The following SLC1A1 variants were observed in gnomAD, a reference collection of about 807,000 sequenced individuals.
The protein encoded by SLC1A1 is excitatory amino acid transporter 3.
In SLC1A1, 43 loss-of-function variants were observed where a neutral mutation model predicts 53.3. The observed-to-expected ratio is 0.81, with a 90% CI of 0.63 to 1.04. The LOEUF is 1.04. Among genes scored for constraint, SLC1A1 ranks in the 50% least tolerant of loss-of-function variants. SLC1A1 has a pLI of 0.00. For missense variants in SLC1A1, 748 were observed against 664.9 expected (o/e 1.12, Z -1.37); for synonymous variants, 307 against 243.2 (o/e 1.26, Z -2.44).
At position 4,497,687 on chromosome 9, in the gene SLC1A1, G is replaced by C. The variant is rs1010188672; in HGVS notation, c.91+6917G>C. 5.9e-5 allele frequency among the ~76,000 whole-genome samples: 9 copies of C among 152,136 alleles called. 1 individual carries two copies. The highest frequency in any genetic ancestry group is 1.2e-4 in the Non-Finnish European group (8 of 68,026). On this transcript the variant is annotated intron_variant, in intron 1 of 11. Transcript: ENST00000262352. Reference sequence around the variant, plus strand: ...ATGAATCTATATAAATATCAAGCATGTTGATCTTTTCTTTCTCAAAACTAG... The same window carrying C: ...ATGAATCTATATAAATATCAAGCATCTTGATCTTTTCTTTCTCAAAACTAG...
Position 4,532,397 on chromosome 9 carries a change from C to G in SLC1A1, c.92-12170C>G, listed in dbSNP as rs57615660. ...CCTGATGAAGCTGAAAACCAAGGCA[C>G]GAGAACTACGTGACAAATGCACAAG... On this transcript the variant is annotated intron_variant, in intron 1 of 11. Coordinates refer to ENST00000262352, the MANE Select transcript of SLC1A1 (RefSeq NM_004170.6). 2.0e-5 allele frequency among the ~76,000 whole-genome samples: 3 copies of G among 151,896 alleles called. 1 individual carries two copies. Among genetic ancestry groups the G allele is most frequent in the East Asian group, 3.9e-4 (2 of 5,168 alleles).
At chr9:4,498,861 CTA>C (rs1820533373) in intron 1 of SLC1A1, among the ~76,000 whole-genome samples, 1 of 147,814 alleles carries the variant, frequency 6.8e-6, no homozygotes, top group Admixed American at 6.9e-5. Context: ...TATACTTTCT[CTA>C]AAATACTGAG....
chr9:4,553,364 C>CT (rs33971780), intron 2 of SLC1A1: 56,494 of 110,038 alleles, frequency 0.51, 16,018 homozygotes, highest in East Asian at 0.76. Context: ...CCCACCGCTT[C>CT]TTTTTTTTTT....
intron 1 of SLC1A1, among the ~76,000 whole-genome samples, chr9:4,496,508 C>T (rs1820428060): frequency 6.6e-6 from 1 of 152,094 alleles, no homozygotes; most frequent in African/African-American, 2.4e-5. Context: ...GTGCAAGCCA[C>T]TGCACTCAGC....
intron 10 of SLC1A1, among the ~76,000 whole-genome samples, chr9:4,578,332 A>G (rs1342112282): frequency 6.6e-6 from 1 of 152,228 alleles, no homozygotes. Flanking sequence ...AGTACCTACA[A>G]CTTATTCAAG....
At chr9:4,532,924 A>G (rs555150567) in intron 1 of SLC1A1, among the ~76,000 whole-genome samples, 56 of 152,312 alleles carry the variant, frequency 3.7e-4, no homozygotes, top group African/African-American at 1.3e-3. Flanking sequence ...TTCTTATAGA[A>G]AAGAATTTTC....
At chr9:4,511,374 A>G (rs1271331722) in intron 1 of SLC1A1, among the ~76,000 whole-genome samples, 3 of 152,058 alleles carry the variant, frequency 2.0e-5, no homozygotes, top group African/African-American at 7.2e-5. Context: ...GGACTCTTTC[A>G]AAAAGGCACT....
intron 2 of SLC1A1, among the ~76,000 whole-genome samples, chr9:4,545,514 T>C (rs1158372852): frequency 6.6e-6 from 1 of 152,224 alleles, no homozygotes; most frequent in Non-Finnish European, 1.5e-5. Context: ...CACTCATTTA[T>C]TTCCCAACTG....
rs112012539 is a variant in SLC1A1 at position 4,581,554 on chromosome 9, G to T, written c.1194-1484G>T. 6.1e-3 allele frequency among the ~76,000 whole-genome samples: 925 copies of T among 152,362 alleles called. 8 individuals are homozygous for T. The highest frequency in any genetic ancestry group is 0.021 in the African/African-American group (875 of 41,584). Reference sequence around the variant, plus strand: ...AGACATGGATTACTGTGACACGTCAGGGTTTCCAAGAGGGATCAGCTGGCA... The same window carrying T: ...AGACATGGATTACTGTGACACGTCATGGTTTCCAAGAGGGATCAGCTGGCA... On this transcript the variant is annotated intron_variant, in intron 10 of 11. Coordinates refer to ENST00000262352, the MANE Select transcript of SLC1A1 (RefSeq NM_004170.6).
At chr9:4,578,528 G>T (rs957957996) in intron 10 of SLC1A1, among the ~76,000 whole-genome samples, 6 of 152,154 alleles carry the variant, frequency 3.9e-5, no homozygotes, top group Admixed American at 2.6e-4. Context: ...AACCCAAGAG[G>T]GAGAGGGAGA....
At chr9:4,501,109 C>T (rs1430566468) in intron 1 of SLC1A1, among the ~76,000 whole-genome samples, 4 of 148,212 alleles carry the variant, frequency 2.7e-5, no homozygotes, top group Non-Finnish European at 5.9e-5. Context: ...GTGTCCAACA[C>T]AGGACAATTG....
intron 1 of SLC1A1, among the ~76,000 whole-genome samples, chr9:4,500,632 G>C (rs1820600179): frequency 6.6e-6 from 1 of 152,076 alleles, no homozygotes; most frequent in Non-Finnish European, 1.5e-5. Context: ...TTTAGAAAGA[G>C]TTAATACATT....
At chr9:4,561,395 C>A in intron 2 of SLC1A1, 54 bp from the exon 3 acceptor site, 1 of 1,068,934 alleles carries the variant, frequency 9.4e-7, no homozygotes. Flanking sequence ...AATCGCGGGT[C>A]CTGGAAACCT....
intron 1 of SLC1A1, among the ~76,000 whole-genome samples, chr9:4,503,362 C>G (rs925464457): frequency 6.6e-6 from 1 of 151,902 alleles, no homozygotes; most frequent in Admixed American, 6.5e-5. Context: ...TTAAATTGAG[C>G]AAGTACTGAT....
chr9:4,530,418 G>A (rs1240007824), intron 1 of SLC1A1, among the ~76,000 whole-genome samples: 2 of 152,180 alleles, frequency 1.3e-5, no homozygotes, highest in African/African-American at 2.4e-5. Flanking sequence ...CAAGCGTCCT[G>A]GGAGAAGCAG....
At chr9:4,564,544 G>T (rs1586809044) in intron 4 of SLC1A1, 86 bp downstream of exon 4, 2 of 823,370 alleles carry the variant, frequency 2.4e-6, no homozygotes, top group Non-Finnish European at 2.1e-6. Context: ...TGCTGTTACT[G>T]TATTGAAATT....
At chr9:4,557,703 G>A (rs1387149640) in intron 2 of SLC1A1, among the ~76,000 whole-genome samples, 1 of 152,150 alleles carries the variant, frequency 6.6e-6, no homozygotes, top group Non-Finnish European at 1.5e-5. Flanking sequence ...CCAAGTGCTT[G>A]CTAGCCATAT....
Position 4,583,209 on chromosome 9 carries a change from G to C in SLC1A1, c.1328+37G>C. On this transcript the variant is annotated intron_variant, in intron 11 of 11. Transcript: ENST00000262352. The surrounding 1 kb of genome is among the most constrained non-coding windows in gnomAD (Gnocchi z 4.6). ...TAAATGCACTGCCTTAGCTGGATGT[G>C]CAGGCGGGCTTCCCAGCCTCGCAGG... 6.2e-7 allele frequency: 1 copy of C among 1,613,902 alleles called. No individual in the cohort carries two copies. The highest frequency in any genetic ancestry group is 8.5e-7 in the Non-Finnish European group (1 of 1,179,874).
At chr9:4,575,081 C>T (rs1024568401) in intron 8 of SLC1A1, among the ~76,000 whole-genome samples, 1 of 152,178 alleles carries the variant, frequency 6.6e-6, no homozygotes, top group Admixed American at 6.6e-5. Flanking sequence ...CCGAGTTCTG[C>T]TGGTTTCTAT....
Sources: gnomAD v4.1 joint callset for allele counts (sites outside exome capture counted in the v4.1 genomes callset) on GRCh38, gnomAD v4.1.1 for gene constraint, Gnocchi (gnomAD v3.1) non-coding constraint, MANE v1.5 for transcripts, NCBI Gene and HGNC (gene_info 2026-07-23, HGNC 2026-07-21) for gene names.